The following ABCA10 variants were observed in gnomAD, a reference collection of about 807,000 sequenced individuals.
ABCA10 encodes ATP binding cassette subfamily A member 10.
In ABCA10, 169 loss-of-function variants were observed where a neutral mutation model predicts 187.5. The observed-to-expected ratio is 0.90, with a 90% CI of 0.80 to 1.02. The LOEUF (loss-of-function observed/expected upper bound fraction) is 1.02, where lower values mean the gene tolerates loss of function less well. ABCA10 is among the 50% of genes least tolerant of loss of function. The pLI, the probability that ABCA10 is intolerant of heterozygous loss-of-function variation, is 0.00. For missense variants in ABCA10, 1,727 were observed against 1,812.4 expected (o/e 0.95, Z 0.86); for synonymous variants, 574 against 601.8 (o/e 0.95, Z 0.68).
chr17:69,182,081 G>C lies in ABCA10; in HGVS notation c.2769+72C>G, dbSNP rs1042938428. 13 of 1,317,150 alleles carry C rather than the reference G, an allele frequency of 9.9e-6. No individual in the cohort carries two copies. The South Asian group carries it at 3.2e-4, about 33-fold the overall frequency. The allele number at this position is 1,317,150 out of a possible 1,614,324, so 81.6% of individuals were successfully genotyped here. On this transcript the variant is annotated intron_variant, in intron 22 of 38. Coordinates refer to ENST00000690296, the MANE Select transcript of ABCA10 (RefSeq NM_001377321.1). ...CAGAAACAAGATTTGAACTCACATG[G>C]TAGGCTCTAGAGCCCTCATCCTTTA...
intron 17 of ABCA10, 74 bp downstream of exon 17, chr17:69,191,102 T>C (rs987766762): frequency 2.2e-5 from 28 of 1,294,258 alleles, no homozygotes; most frequent in Middle Eastern, 2.7e-4. Flanking sequence ...ACTCGATTCA[T>C]AGAACAACAG....
intron 9 of ABCA10, among the ~76,000 whole-genome samples, chr17:69,210,865 T>C (rs1298459048): frequency 1.4e-5 from 2 of 145,562 alleles, no homozygotes; most frequent in South Asian, 4.2e-4. Flanking sequence ...TATATATATA[T>C]GCCATATTTC....
At chr17:69,171,824 G>A (rs1481977502) in intron 25 of ABCA10, among the ~76,000 whole-genome samples, 1 of 150,902 alleles carries the variant, frequency 6.6e-6, no homozygotes, top group Admixed American at 6.7e-5. Context: ...TGCATAAGCA[G>A]CTAAATTATG....
At chr17:69,187,285 A>T (rs2074429226) in intron 19 of ABCA10, among the ~76,000 whole-genome samples, 6 of 152,130 alleles carry the variant, frequency 3.9e-5, no homozygotes, top group Admixed American at 3.9e-4. Context: ...TGCACAAGGG[A>T]TACATGAGGA....
intron 26 of ABCA10, 63 bp downstream of exon 26, chr17:69,164,901 G>A (rs1433115610): frequency 5.2e-6 from 8 of 1,537,966 alleles, no homozygotes; most frequent in South Asian, 1.3e-5. Context: ...CCGACAATGG[G>A]TAAGGATTTT....
chr17:69,220,349 C>A (rs1598124036), intron 5 of ABCA10, among the ~76,000 whole-genome samples: 1 of 151,942 alleles, frequency 6.6e-6, no homozygotes, highest in Admixed American at 6.6e-5. Flanking sequence ...GTTCCTGCCA[C>A]AAAAACAAAT....
chr17:69,221,544 C>G (rs2074747419), intron 5 of ABCA10, among the ~76,000 whole-genome samples: 1 of 152,094 alleles, frequency 6.6e-6, no homozygotes, highest in South Asian at 2.1e-4. Flanking sequence ...GGGATCCAGA[C>G]CATGAACTGA....
chr17:69,177,949 C>G (rs2074345787), intron 22 of ABCA10, among the ~76,000 whole-genome samples: 1 of 25,774 alleles, frequency 3.9e-5, no homozygotes, highest in Non-Finnish European at 1.0e-4. Flanking sequence ...GAATGAGACT[C>G]CATTTCAAAA....
At chr17:69,206,489 T>C (rs1453837885) in intron 9 of ABCA10, among the ~76,000 whole-genome samples, 2 of 152,098 alleles carry the variant, frequency 1.3e-5, no homozygotes, top group Admixed American at 1.3e-4. Context: ...AAAAGATGCA[T>C]TGAAGAGGGC....
intron 27 of ABCA10, among the ~76,000 whole-genome samples, chr17:69,163,678 C>T (rs1039242728): frequency 4.6e-5 from 7 of 152,110 alleles, no homozygotes; most frequent in Admixed American, 1.3e-4. Flanking sequence ...CATTTATATT[C>T]GCTTTCATTG....
At chr17:69,218,828 G>T (rs927736886) in intron 6 of ABCA10, among the ~76,000 whole-genome samples, 1 of 152,082 alleles carries the variant, frequency 6.6e-6, no homozygotes, top group Non-Finnish European at 1.5e-5. Flanking sequence ...CTATGTGACC[G>T]GGCCTCAGTG....
Position 69,187,100 on chromosome 17 carries a change from GA to G in ABCA10, c.2330+580del, listed in dbSNP as rs1045244717. On this transcript the variant is annotated intron_variant, in intron 19 of 38. Coordinates refer to ENST00000690296, the MANE Select transcript of ABCA10 (RefSeq NM_001377321.1). ...TTTGTAGGGTGTCAGATTGAAAGAA[GA>G]AAAAAAAAAGAAACAATTTGCTGAA... 1.4e-4 allele frequency among the ~76,000 whole-genome samples: 20 copies of G among 145,516 alleles called. No homozygotes were observed. In the East Asian group the frequency reaches 3.0e-3, roughly 22 times the overall value.
intron 18 of ABCA10, 41 bp downstream of exon 18, chr17:69,190,314 TCTC>T: frequency 6.6e-7 from 1 of 1,511,112 alleles, no homozygotes; most frequent in African/African-American, 1.4e-5. Context: ...CTTTTTCTCT[TCTC>T]TTTTTTTTCT....
At chr17:69,232,312 C>T (rs543661167), upstream of ABCA10, among the ~76,000 whole-genome samples, 1 of 152,090 alleles carries the variant, frequency 6.6e-6, no homozygotes, top group East Asian at 1.9e-4. Flanking sequence ...TGGACCCTTT[C>T]TTCTCTTACA....
intron 2 of ABCA10, among the ~76,000 whole-genome samples, chr17:69,226,504 A>G (rs531461157): frequency 6.6e-6 from 1 of 152,064 alleles, no homozygotes; most frequent in Non-Finnish European, 1.5e-5. Context: ...GTCAAGGCAG[A>G]TCCAGTTATA....
chr17:69,150,052 A>G lies in ABCA10; in HGVS notation c.4409T>C (p.Leu1470Ser). ...QAAWQERYSS[L>S]MAYKLPVEDV... is the part of the protein sequence containing the mutation. ...CTCCACAGGTAACTTATACGCCATT[A>G]AAGAGGAATATCTGTCAGGAAGAAG... is the stretch of plus-strand genomic sequence containing the variant. The change falls in exon 37 of 39, where the codon TTA becomes TCA. Residue 1470 changes from leucine to serine, a missense_variant. Physicochemically the swap from Leu to Ser is moderately radical, Grantham distance 145 (BLOSUM62 -2). Coordinates refer to ENST00000690296, the MANE Select transcript of ABCA10 (RefSeq NM_001377321.1). The G allele has an allele frequency of 6.2e-7, 1 of 1,611,380 alleles. No homozygotes were observed. Among genetic ancestry groups the G allele is most frequent in the Non-Finnish European group, 8.5e-7 (1 of 1,178,212 alleles).
At chr17:69,157,479 A>T (rs893708327) in intron 27 of ABCA10, among the ~76,000 whole-genome samples, 2 of 152,188 alleles carry the variant, frequency 1.3e-5, no homozygotes, top group Non-Finnish European at 2.9e-5. Flanking sequence ...TTGAGTGCTC[A>T]TCATGGAAGG....
chr17:69,152,534 G>A, intron 34 of ABCA10, 53 bp from the exon 35 acceptor site: 2 of 1,554,872 alleles, frequency 1.3e-6, no homozygotes, highest in Middle Eastern at 1.7e-4. Context: ...TGGGGAAATA[G>A]ATAAATAGAA....
rs1281118770 is a variant in ABCA10, at chr17:69,174,297, G to T, written c.3146C>A (p.Ser1049Tyr). The change falls in exon 25 of 39, where the codon TCT (serine) becomes TAT (tyrosine). Residue 1049 changes from serine (S) to tyrosine (Y), a missense_variant. Ser to Tyr is a moderately radical substitution (Grantham distance 144). Coordinates refer to ENST00000690296, the MANE Select transcript of ABCA10 (RefSeq NM_001377321.1). ...TATACTTACAATAAAAAAGCCAAAA[G>T]ACCAAAAGCCATTATTTTTTCTCCA... ...RKWRKNNGFW[S>Y]FGFFIILICV... The T allele has an allele frequency of 2.5e-5, 40 of 1,602,738 alleles. No homozygotes were observed. The highest frequency in any genetic ancestry group is 3.4e-5 in the Non-Finnish European group (40 of 1,175,712).
Sources: gnomAD v4.1 joint callset for allele counts (sites outside exome capture counted in the v4.1 genomes callset) on GRCh38, gnomAD v4.1.1 for gene constraint, MANE v1.5 for transcripts, NCBI Gene and HGNC (gene_info 2026-07-23, HGNC 2026-07-21) for gene names.